The following SOAT1 variants were observed in gnomAD, a reference collection of about 807,000 sequenced individuals.
SOAT1 encodes sterol O-acyltransferase 1.
In SOAT1, 55 loss-of-function variants were observed where a neutral mutation model predicts 69.5. That is an observed-to-expected ratio of 0.79 (90% CI 0.64 to 0.99). The LOEUF (loss-of-function observed/expected upper bound fraction) is 0.99, where lower values mean the gene tolerates loss of function less well. Ranked by LOEUF, SOAT1 falls within the 50% of genes least tolerant of loss-of-function variation. The pLI, the probability that SOAT1 is intolerant of heterozygous loss-of-function variation, is 0.00. For synonymous variants in SOAT1, 231 were observed against 224.7 expected, an observed-to-expected ratio of 1.03 and a Z score of -0.25; for missense variants, 580 against 669.3, an observed-to-expected ratio of 0.87 and a Z score of 1.47.
chr1:179,340,636 C>G (rs1313557127), intron 6 of SOAT1, among the ~76,000 whole-genome samples: 5 of 152,010 alleles, frequency 3.3e-5, no homozygotes, highest in African/African-American at 1.2e-4. Context: ...GAAAAATCAT[C>G]TTTTGTACAT....
chr1:179,329,287 C>T (rs541454934), intron 3 of SOAT1, among the ~76,000 whole-genome samples: 15 of 148,698 alleles, frequency 1.0e-4, no homozygotes, highest in African/African-American at 3.7e-4. Flanking sequence ...TGCAGTGAGC[C>T]GAGATCATGG....
At chr1:179,326,188 A>AT (rs980547430) in intron 3 of SOAT1, among the ~76,000 whole-genome samples, 6 of 152,144 alleles carry the variant, frequency 3.9e-5, no homozygotes, top group Non-Finnish European at 8.8e-5. Context: ...ATTATAAAGC[A>AT]TTTTTTCTCG....
chr1:179,311,594 T>G (rs1665224124), intron 2 of SOAT1, among the ~76,000 whole-genome samples: 1 of 111,030 alleles, frequency 9.0e-6, no homozygotes, highest in Non-Finnish European at 2.0e-5. Flanking sequence ...AAAAAATCGT[T>G]TCTAAATTTC....
chr1:179,335,368 A>G, intron 3 of SOAT1, 138 bp from the exon 4 acceptor site: 1 of 684,040 alleles, frequency 1.5e-6, no homozygotes, highest in Admixed American at 3.1e-5. Context: ...ACAGGAATTG[A>G]TTTTTTGCTT....
At chr1:179,295,966 ATTTTTTTTTTTTTTTTTTTTTTT>A (rs58893158) in intron 1 of SOAT1, among the ~76,000 whole-genome samples, 10 of 51,982 alleles carry the variant, frequency 1.9e-4, no homozygotes, top group Non-Finnish European at 3.0e-4. Context: ...CGCCCGGCTA[ATTTTTTTTTTTTTTTTTTTTTTT>A]TTTTTTTTTT....
Position 179,356,930 on chromosome 1 carries a change from A to C in SOAT1, c.*3289A>C, listed in dbSNP as rs56149964. ...TCTCAAACTCTTCACCTCAAGCAAAACTCCCACTGCAGAAAGCTTTGGGAT... is the reference window on the plus strand; with the variant it reads ...TCTCAAACTCTTCACCTCAAGCAAACCTCCCACTGCAGAAAGCTTTGGGAT... On this transcript the variant is annotated 3_prime_UTR_variant, in exon 16 of 16. Transcript: ENST00000367619. 0.45 allele frequency: 68,251 copies of C among 150,538 alleles called. 15,490 individuals carry two copies. Among genetic ancestry groups the C allele is most frequent in the Non-Finnish European group, 0.49 (33,456 of 67,704 alleles). 9.3% of individuals were successfully genotyped at this position (150,538 alleles called of 1,614,324 possible). A position where few individuals can be genotyped will look rare whatever the true frequency, so the allele number is the denominator to read the frequency against.
chr1:179,342,911 T>A lies in SOAT1; in HGVS notation c.909T>A (p.Ala303=). ...TVNQYLYFLF[A]PTLIYRDSYP... is the part of the protein sequence containing the mutation. ...ACCAGTATTTGTACTTCTTATTTGC[T>A]CCTACCCTTATCTACCGTGACAGCT... The change falls in exon 9 of 16, where the codon GCT becomes GCA. Residue 303 remains alanine, a synonymous_variant. Transcript: ENST00000367619. 2 of 1,613,840 alleles carry A rather than the reference T, an allele frequency of 1.2e-6. No homozygotes were observed. The highest frequency in any genetic ancestry group is 1.7e-6 in the Non-Finnish European group (2 of 1,179,746).
intron 11 of SOAT1, among the ~76,000 whole-genome samples, chr1:179,347,171 A>G (rs1377382238): frequency 1.3e-5 from 2 of 152,120 alleles, no homozygotes; most frequent in East Asian, 3.9e-4. Context: ...TGCCTGGCCA[A>G]CATGGTGAAA....
chr1:179,337,921 A>G (rs1666213649), intron 5 of SOAT1, 25 bp downstream of exon 5: 1 of 1,525,974 alleles, frequency 6.6e-7, no homozygotes, highest in Admixed American at 1.9e-5. Context: ...TTGTTTTTAA[A>G]TATGTTTGAT....
At position 179,353,744 on chromosome 1, in the gene SOAT1, C is replaced by T. The variant is rs1666825521; in HGVS notation, c.*103C>T. ...ACTGAAGTTATCTGTGTTATTTGGA[C>T]CACTCCAGGCTTTACAGATGACTCA... On this transcript the variant is annotated 3_prime_UTR_variant, in exon 16 of 16. Coordinates refer to ENST00000367619, the MANE Select transcript of SOAT1 (RefSeq NM_003101.6). 1 of 976,050 alleles carries T rather than the reference C, an allele frequency of 1.0e-6. No homozygotes were observed. The highest frequency in any genetic ancestry group is 1.6e-5 in the African/African-American group (1 of 61,184). The allele number at this position is 976,050 out of a possible 1,614,324, so 60.5% of individuals were successfully genotyped here.
In SOAT1 at chr1:179,335,658, G is replaced by A. The variant is rs1666121504; in HGVS notation, c.329+1G>A. 6.2e-7 allele frequency: 1 copy of A among 1,608,426 alleles called. No individual in the cohort carries two copies. ...GAGAGAAAAACAACCATAGAGCGAA[G>A]TAAGTATGTGCTATTTTCTTTTAAT... On this transcript the variant is annotated splice_donor_variant, in intron 4 of 15. Transcript: ENST00000367619. LOFTEE classifies it high-confidence loss of function.
chr1:179,336,118 C>T (rs1486850366), intron 4 of SOAT1, among the ~76,000 whole-genome samples: 2 of 148,368 alleles, frequency 1.3e-5, no homozygotes, highest in Non-Finnish European at 3.0e-5. Context: ...GAGCAGAGAT[C>T]ATGCCACTGC....
intron 3 of SOAT1, among the ~76,000 whole-genome samples, chr1:179,325,496 C>CT (rs560571461): frequency 6.6e-6 from 1 of 152,060 alleles, no homozygotes; most frequent in African/African-American, 2.4e-5. Flanking sequence ...GTTTCTGACC[C>CT]TTTTTATTTC....
At chr1:179,316,357 G>A (rs966414790) in intron 2 of SOAT1, among the ~76,000 whole-genome samples, 6 of 151,562 alleles carry the variant, frequency 4.0e-5, no homozygotes, top group Admixed American at 1.3e-4. Context: ...TAACCCCTGC[G>A]TCAGACAGTT....
chr1:179,329,254 G>A lies in SOAT1; in HGVS notation c.177+5759G>A, dbSNP rs927939997. Among the ~76,000 whole-genome samples, 14 of 151,612 alleles carry A rather than the reference G, an allele frequency of 9.2e-5. No homozygotes were observed. In the East Asian group the frequency reaches 9.7e-4, roughly 10 times the overall value. Reference sequence around the variant, plus strand: ...CTAGGGAGGCTGAGGCAGGAGAATCGCTTGAACCCAGGAGGCAGAGGTTGC... The same window carrying A: ...CTAGGGAGGCTGAGGCAGGAGAATCACTTGAACCCAGGAGGCAGAGGTTGC... On this transcript the variant is annotated intron_variant, in intron 3 of 15. Transcript: ENST00000367619.
intron 3 of SOAT1, among the ~76,000 whole-genome samples, chr1:179,325,496 CT>C (rs560571461): frequency 8.8e-4 from 134 of 152,176 alleles, no homozygotes; most frequent in Non-Finnish European, 1.7e-3. Flanking sequence ...GTTTCTGACC[CT>C]TTTTATTTCT....
At chr1:179,349,208 G>A (rs554296321) in intron 13 of SOAT1, among the ~76,000 whole-genome samples, 1 of 152,220 alleles carries the variant, frequency 6.6e-6, no homozygotes, top group South Asian at 2.1e-4. Flanking sequence ...AGAATGCATG[G>A]AGGTTGTTGG....
At position 179,307,792 on chromosome 1, in the gene SOAT1, CT is replaced by C. The variant is rs374097712; in HGVS notation, c.118+5006del. ...AGCACTGTGTTCATCAAGGTATTAT[CT>C]TTTTTTTTTTTTTTTGAGATGGAGT... On this transcript the variant is annotated intron_variant, in intron 2 of 15. Coordinates refer to ENST00000367619, the MANE Select transcript of SOAT1 (RefSeq NM_003101.6). Among the ~76,000 whole-genome samples the C allele has an allele frequency of 3.0e-3, 421 of 140,324 alleles. 2 individuals are homozygous for C. The highest frequency in any genetic ancestry group is 0.01 in the East Asian group (50 of 4,880). 92.1% of individuals were successfully genotyped at this position (140,324 alleles called of 152,430 possible). A position where few individuals can be genotyped will look rare whatever the true frequency, so the allele number is the denominator to read the frequency against.
chr1:179,348,494 A>G (rs911285319), intron 12 of SOAT1, among the ~76,000 whole-genome samples: 3 of 152,090 alleles, frequency 2.0e-5, no homozygotes, highest in African/African-American at 4.8e-5. Context: ...TTTTCTCATG[A>G]CATTCTAGTA....
Sources: allele counts gnomAD v4.1 joint callset (sites outside exome capture counted in the v4.1 genomes callset), GRCh38; gene constraint gnomAD v4.1.1; transcripts MANE v1.5; gene names NCBI Gene and HGNC (gene_info 2026-07-23, HGNC 2026-07-21).